The following AK4 variants were observed in gnomAD, a reference collection of about 807,000 sequenced individuals.
AK4 encodes adenylate kinase 4, mitochondrial.
Under a neutral mutation model 24.6 loss-of-function variants are expected in AK4, and 13 were observed. The ratio of observed to expected loss-of-function variants is 0.53; its 90% CI spans 0.34 to 0.84. The LOEUF (loss-of-function observed/expected upper bound fraction) is 0.84. Ranked by LOEUF, AK4 falls within the 40% of genes least tolerant of loss-of-function variation. The pLI, the probability that AK4 is intolerant of heterozygous loss-of-function variation, is 0.01. For synonymous variants in AK4, 88 were observed against 107.0 expected, an observed-to-expected ratio of 0.82 and a Z score of 1.10; for missense variants, 192 against 288.2, an observed-to-expected ratio of 0.67 and a Z score of 2.42.
At chr1:65,187,615 A>G (rs1432421962) in intron 1 of AK4, among the ~76,000 whole-genome samples, 1 of 152,190 alleles carries the variant, frequency 6.6e-6, no homozygotes, top group Non-Finnish European at 1.5e-5. Context: ...TGTCATAAAA[A>G]AATGCTGGGA....
chr1:65,171,704 T>C (rs1175408140), intron 1 of AK4, among the ~76,000 whole-genome samples: 2 of 152,094 alleles, frequency 1.3e-5, no homozygotes, highest in African/African-American at 4.8e-5. Context: ...GCAGCTATCA[T>C]TGGATTTTAT....
rs936818421 is a variant in AK4, at chr1:65,229,408, C to T, written c.*3231C>T. On this transcript the variant is annotated 3_prime_UTR_variant, in exon 5 of 5. Transcript: ENST00000327299. ...AATTAGCCAGTCATGGTGGTGTACA[C>T]TTATGGTCCTAGTTACTCAGGAGAC... 4 of 152,080 alleles carry T rather than the reference C, an allele frequency of 2.6e-5. No individual in the cohort carries two copies. Among genetic ancestry groups the T allele is most frequent in the Non-Finnish European group, 5.9e-5 (4 of 68,086 alleles). The allele number at this position is 152,080 out of a possible 1,614,324, so 9.4% of individuals were successfully genotyped here. A position where few individuals can be genotyped will look rare whatever the true frequency, so the allele number is the denominator to read the frequency against.
intron 2 of AK4, 67 bp downstream of exon 2, chr1:65,190,896 A>AAG: frequency 6.6e-7 from 1 of 1,517,806 alleles, no homozygotes; most frequent in South Asian, 1.3e-5. Flanking sequence ...ACACTCCCTT[A>AAG]ACTTCTTACC....
chr1:65,161,975 C>T (rs532299341), intron 1 of AK4, among the ~76,000 whole-genome samples: 4 of 152,208 alleles, frequency 2.6e-5, no homozygotes, highest in East Asian at 3.9e-4. Flanking sequence ...AGGCCGGGCA[C>T]GGTGGTTCAC....
At chr1:65,190,513 GGGAGATAAATGTGTTAAATAAGC>G (rs1222724378) in intron 1 of AK4, among the ~76,000 whole-genome samples, 174 bp from the exon 2 acceptor site, 2 of 151,802 alleles carry the variant, frequency 1.3e-5, no homozygotes, top group Non-Finnish European at 2.9e-5. Context: ...ATAATTTTTT[GGGAGATAAATGTGTTAAATAAGC>G]AACAGTCCCA....
intron 1 of AK4, among the ~76,000 whole-genome samples, chr1:65,154,087 A>G (rs1392954632): frequency 2.6e-5 from 4 of 152,212 alleles, no homozygotes; most frequent in Non-Finnish European, 5.9e-5. Context: ...CTAAAAGTTG[A>G]TCTTTTGCCT....
At chr1:65,167,278 G>A (rs1018647916) in intron 1 of AK4, among the ~76,000 whole-genome samples, 9 of 152,192 alleles carry the variant, frequency 5.9e-5, no homozygotes, top group Admixed American at 2.0e-4. Context: ...GGTCTGCTTT[G>A]TTTTTTGAAC....
At chr1:65,213,512 T>C (rs919115100) in intron 2 of AK4, among the ~76,000 whole-genome samples, 4 of 152,150 alleles carry the variant, frequency 2.6e-5, no homozygotes, top group African/African-American at 9.7e-5. Context: ...GAATTAAATG[T>C]GGGTGGATGA....
intron 1 of AK4, among the ~76,000 whole-genome samples, chr1:65,171,571 A>G (rs1570084946): frequency 6.6e-6 from 1 of 151,864 alleles, no homozygotes; most frequent in Admixed American, 6.6e-5. Context: ...TCCCAAAGTG[A>G]TGGGATTACA....
chr1:65,159,923 G>A (rs1322389363), intron 1 of AK4, among the ~76,000 whole-genome samples: 5 of 147,776 alleles, frequency 3.4e-5, no homozygotes, highest in African/African-American at 7.6e-5. Context: ...AGCCAAGATC[G>A]TGCCACTGCA....
At chr1:65,216,550 T>TGGCCTTGAATTCCTGGCCTCAAG (rs375125785) in intron 2 of AK4, among the ~76,000 whole-genome samples, 1 of 148,042 alleles carries the variant, frequency 6.8e-6, no homozygotes, top group Non-Finnish European at 1.5e-5. Context: ...TAGAAAATGC[T>TGGCCTTGAATTCCTGGCCTCAAG]TTTCATTGAT....
At chr1:65,173,874 A>T (rs1650624299) in intron 1 of AK4, among the ~76,000 whole-genome samples, 1 of 151,778 alleles carries the variant, frequency 6.6e-6, no homozygotes, top group Admixed American at 6.6e-5. Context: ...AAAAAAAAAA[A>T]ATAGACTACT....
intron 2 of AK4, among the ~76,000 whole-genome samples, chr1:65,198,278 G>A (rs1038802444): frequency 6.6e-6 from 1 of 152,146 alleles, no homozygotes; most frequent in Admixed American, 6.5e-5. Flanking sequence ...AGGGTGCTGT[G>A]GCCATCTATG....
chr1:65,215,195 C>T (rs1448169336), intron 2 of AK4, among the ~76,000 whole-genome samples: 7 of 145,502 alleles, frequency 4.8e-5, no homozygotes, highest in African/African-American at 1.3e-4. Context: ...TTGTTTGAGG[C>T]GGAGTCTTGC....
upstream of AK4, chr1:65,148,172 G>C: frequency 1.2e-6 from 1 of 835,468 alleles, no homozygotes; most frequent in Non-Finnish European, 1.7e-6. Flanking sequence ...CGAGGAGGTG[G>C]AGAAGGGCGG....
At chr1:65,202,866 CT>C (rs34143736) in intron 2 of AK4, among the ~76,000 whole-genome samples, 1,883 of 91,744 alleles carry the variant, frequency 0.021, 34 homozygotes, top group African/African-American at 0.064. Context: ...GCTGTGTAGT[CT>C]TTTTTTTTTT....
chr1:65,159,811 T>C (rs1475922806), intron 1 of AK4, among the ~76,000 whole-genome samples: 1 of 151,736 alleles, frequency 6.6e-6, no homozygotes, highest in Non-Finnish European at 1.5e-5. Context: ...CTACTAAAAA[T>C]ACAAAAATTA....
At chr1:65,150,476 AG>A (rs1649734843) in intron 1 of AK4, among the ~76,000 whole-genome samples, 2 of 152,216 alleles carry the variant, frequency 1.3e-5, no homozygotes, top group Admixed American at 1.3e-4. Flanking sequence ...CAAAGAAAGA[AG>A]AAAAATAAAG....
At chr1:65,190,957 C>A (rs1205297692) in intron 2 of AK4, 128 bp downstream of exon 2, 3 of 1,211,802 alleles carry the variant, frequency 2.5e-6, no homozygotes, top group Admixed American at 3.4e-5. Flanking sequence ...TTTAATATTG[C>A]AATTTGGCAA....
Sources: allele counts gnomAD v4.1 joint callset (sites outside exome capture counted in the v4.1 genomes callset), GRCh38; gene constraint gnomAD v4.1.1; transcripts MANE v1.5; gene names NCBI Gene and HGNC (gene_info 2026-07-23, HGNC 2026-07-21).